NFIB: variants seen among roughly 807,000 people sequenced by gnomAD.
NFIB encodes nuclear factor 1 B-type.
In NFIB, 11 loss-of-function variants were observed where a neutral mutation model predicts 61.5. That is an observed-to-expected ratio of 0.18 (90% CI 0.11 to 0.30). NFIB has a LOEUF of 0.30. Among genes scored for constraint, NFIB ranks in the 10% least tolerant of loss-of-function variants. The probability of loss-of-function intolerance (pLI) is 1.00; values close to 1 mark genes in which losing one functional copy is unlikely to be tolerated. For missense variants in NFIB, 471 were observed against 608.9 expected, an observed-to-expected ratio of 0.77 and a Z score of 2.38; for synonymous variants, 260 against 216.5, an observed-to-expected ratio of 1.20 and a Z score of -1.76.
chr9:14,146,796 T>G lies in NFIB; in HGVS notation c.818A>C (p.Lys273Thr). The G allele has an allele frequency of 6.2e-7, 1 of 1,605,048 alleles. No homozygotes were observed. Among genetic ancestry groups the G allele is most frequent in the Non-Finnish European group, 8.5e-7 (1 of 1,177,792 alleles). The change falls in exon 6 of 11, where the codon AAA (lysine) becomes ACA (threonine). Residue 273 changes from lysine (K) to threonine (T), a missense_variant. Around this residue, in one of 2 missense-constraint regions of NFIB, gnomAD observed 372 missense variants for 395.6 expected, o/e 0.94. Coordinates refer to ENST00000380953, the MANE Select transcript of NFIB (RefSeq NM_001190737.2). ...LSSPPSSKRP[K>T]TISIDENMEP... Reference sequence around the variant, plus strand: ...CATATTTTCATCTATGGATATAGTTTTGGGTCTTTTGCTGTTAAAATATGG... The same window carrying G: ...CATATTTTCATCTATGGATATAGTTGTGGGTCTTTTGCTGTTAAAATATGG...
intron 2 of NFIB, among the ~76,000 whole-genome samples, chr9:14,240,446 T>C (rs2054237954): frequency 1.3e-5 from 2 of 152,122 alleles, no homozygotes; most frequent in Non-Finnish European, 2.9e-5. Context: ...GCATTATAAA[T>C]GGTGTGAAAA....
intron 2 of NFIB, among the ~76,000 whole-genome samples, chr9:14,228,378 T>C (rs1359056510): frequency 1.3e-5 from 2 of 152,062 alleles, no homozygotes; most frequent in African/African-American, 4.8e-5. Flanking sequence ...GCATGTTTAG[T>C]AGAGATAAGG....
At chr9:14,267,123 A>G (rs1207053836) in intron 2 of NFIB, among the ~76,000 whole-genome samples, 1 of 152,176 alleles carries the variant, frequency 6.6e-6, no homozygotes, top group Non-Finnish European at 1.5e-5. Flanking sequence ...GAAAAAGAAA[A>G]TTTGTTTCCT....
intron 1 of NFIB, among the ~76,000 whole-genome samples, chr9:14,336,879 C>A (rs931549044): frequency 3.3e-5 from 5 of 152,158 alleles, no homozygotes; most frequent in African/African-American, 4.8e-5. Flanking sequence ...GTCATACACT[C>A]TCCGTCACAA....
intron 2 of NFIB, among the ~76,000 whole-genome samples, chr9:14,192,438 T>C (rs1289565982): frequency 6.6e-6 from 1 of 151,988 alleles, no homozygotes; most frequent in Admixed American, 6.6e-5. Flanking sequence ...ACCCCCAAAA[T>C]TAGAATTGCC....
chr9:14,487,246 A>G, the NFIB span, among the ~76,000 whole-genome samples: 11 of 152,378 alleles, frequency 7.2e-5, no homozygotes, highest in African/African-American at 2.6e-4. Flanking sequence ...CATAGATTTA[A>G]GAAATAAATG....
intron 4 of NFIB, 140 bp downstream of exon 4, chr9:14,155,682 ATTG>A (rs1482855089): frequency 1.3e-5 from 6 of 462,636 alleles, no homozygotes; most frequent in South Asian, 9.1e-5. Flanking sequence ...AGCAAAATAT[ATTG>A]TTATTTCATC....
In NFIB at chr9:14,093,477, C is replaced by T. The variant is rs2034282716; in HGVS notation, c.1468-5151G>A. 4 of 151,918 alleles carry T rather than the reference C, an allele frequency of 2.6e-5. No homozygotes were observed. In the South Asian group the frequency reaches 6.2e-4, roughly 24 times the overall value. 9.4% of individuals were successfully genotyped at this position (151,918 alleles called of 1,614,324 possible). Reference sequence around the variant, plus strand: ...ATACATACCTCAACTGTAACAGTAGCCACATTATTTACAGATGGCAATAAA... The same window carrying T: ...ATACATACCTCAACTGTAACAGTAGTCACATTATTTACAGATGGCAATAAA... On this transcript the variant is annotated intron_variant, in intron 10 of 10. Coordinates refer to ENST00000380953, the MANE Select transcript of NFIB (RefSeq NM_001190737.2).
At chr9:14,529,214 C>T in the NFIB span, among the ~76,000 whole-genome samples, 21 of 152,264 alleles carry the variant, frequency 1.4e-4, no homozygotes, top group Middle Eastern at 3.4e-3. Context: ...TGGACAACTA[C>T]GTCTTGTTTG....
the NFIB span, among the ~76,000 whole-genome samples, chr9:14,526,388 C>T: frequency 3.3e-5 from 5 of 152,130 alleles, no homozygotes; most frequent in Admixed American, 3.3e-4. Context: ...TTCCTGAGTA[C>T]TTTCTTTTCT....
rs190668821 is a variant in NFIB, at chr9:14,358,077, T to C, written c.108+40447A>G. On this transcript the variant is annotated intron_variant, in intron 1 of 8. Transcript: ENST00000380934. ...GTTGTAAAATTAATTGTAGTGATGG[T>C]TGTGCAACTTTGTGATTTTGTTAAA... 2.0e-5 allele frequency among the ~76,000 whole-genome samples: 3 copies of C among 152,240 alleles called. No individual in the cohort carries two copies. In the East Asian group the frequency reaches 5.8e-4, roughly 29 times the overall value.
intron 1 of NFIB, among the ~76,000 whole-genome samples, chr9:14,392,857 G>C (rs1259462319): frequency 6.6e-6 from 1 of 152,204 alleles, no homozygotes; most frequent in African/African-American, 2.4e-5. Context: ...TTATTGGTTA[G>C]CATTATTAAG....
intron 9 of NFIB, among the ~76,000 whole-genome samples, chr9:14,115,371 C>A (rs1489821462): frequency 6.6e-6 from 1 of 152,038 alleles, no homozygotes; most frequent in Non-Finnish European, 1.5e-5. Context: ...ATAGCTTTAT[C>A]CATTCTACTT....
chr9:14,111,688 T>C (rs557165868), intron 10 of NFIB, among the ~76,000 whole-genome samples: 1 of 152,158 alleles, frequency 6.6e-6, no homozygotes, highest in African/African-American at 2.4e-5. Flanking sequence ...AAAGCAACAT[T>C]CCAGAGAATT....
chr9:14,172,793 G>A (rs1207574924), intron 3 of NFIB, among the ~76,000 whole-genome samples: 3 of 149,668 alleles, frequency 2.0e-5, no homozygotes, highest in South Asian at 2.1e-4. Flanking sequence ...TTTTTGAGAC[G>A]GAGTCTCACT....
chr9:14,483,781 C>T, the NFIB span, among the ~76,000 whole-genome samples: 4 of 152,168 alleles, frequency 2.6e-5, no homozygotes, highest in African/African-American at 9.7e-5. Flanking sequence ...TGCACAGGTG[C>T]ACTTTGATTC....
chr9:14,193,326 C>T (rs2048151446), intron 2 of NFIB, among the ~76,000 whole-genome samples: 1 of 151,958 alleles, frequency 6.6e-6, no homozygotes, highest in Admixed American at 6.6e-5. Context: ...TTGACTGGAA[C>T]AATTATAAGT....
chr9:14,255,980 C>T (rs2056183093), intron 2 of NFIB, among the ~76,000 whole-genome samples: 1 of 152,230 alleles, frequency 6.6e-6, no homozygotes, highest in South Asian at 2.1e-4. Flanking sequence ...TAGTTTAAAT[C>T]CACCACCTAT....
At chr9:14,323,361 A>G (rs980469957) in intron 1 of NFIB, among the ~76,000 whole-genome samples, 1 of 152,184 alleles carries the variant, frequency 6.6e-6, no homozygotes, top group Non-Finnish European at 1.5e-5. Flanking sequence ...AAACAAATAT[A>G]TGTAGGGGGA....
Sources: gnomAD v4.1 joint callset for allele counts (sites outside exome capture counted in the v4.1 genomes callset) on GRCh38, gnomAD v4.1.1 for gene constraint, gnomAD v4.1.1 regional missense constraint, MANE v1.5 for transcripts, NCBI Gene and HGNC (gene_info 2026-07-23, HGNC 2026-07-21) for gene names.